The following RTTN variants were observed in gnomAD, a reference collection of about 807,000 sequenced individuals.
RTTN encodes the protein rotatin.
RTTN carries 182 observed loss-of-function variants against 269.2 expected under a neutral mutation model. The observed-to-expected ratio is 0.68, with a 90% CI of 0.60 to 0.76. The LOEUF (loss-of-function observed/expected upper bound fraction) is 0.76. RTTN is among the 30% of genes least tolerant of loss of function. RTTN has a pLI of 0.00. For missense variants in RTTN, 2,545 were observed against 2,608.6 expected (o/e 0.98, Z 0.53); for synonymous variants, 1,006 against 963.5 (o/e 1.04, Z -0.82).
intron 11 of RTTN, 58 bp downstream of exon 11, chr18:70,176,617 C>T (rs2061307934): frequency 6.9e-7 from 1 of 1,444,074 alleles, no homozygotes; most frequent in African/African-American, 1.4e-5. Flanking sequence ...AAATTTACAA[C>T]AGAGCATTTA....
intron 32 of RTTN, among the ~76,000 whole-genome samples, chr18:70,082,105 A>T (rs749907515): frequency 6.6e-6 from 1 of 152,204 alleles, no homozygotes; most frequent in Non-Finnish European, 1.5e-5. Context: ...GTACCAATTC[A>T]AAGTCCTGTC....
At chr18:70,194,690 C>G (rs1182652838) in intron 7 of RTTN, 1 of 152,146 alleles carries the variant, frequency 6.6e-6, no homozygotes. Flanking sequence ...ACAAATAAAC[C>G]AGACACAAAA....
At chr18:70,018,313 C>T (rs2056602076) in intron 45 of RTTN, among the ~76,000 whole-genome samples, 1 of 152,154 alleles carries the variant, frequency 6.6e-6, no homozygotes, top group Admixed American at 6.5e-5. Context: ...CAAAAAACCC[C>T]ACCAAACCCT....
intron 39 of RTTN, among the ~76,000 whole-genome samples, chr18:70,048,421 T>C (rs1270098518): frequency 6.6e-6 from 1 of 152,182 alleles, no homozygotes; most frequent in Admixed American, 6.5e-5. Context: ...AGACAGCACA[T>C]GAGTGGTCAT....
intron 43 of RTTN, among the ~76,000 whole-genome samples, chr18:70,026,895 C>T (rs1450720669): frequency 6.6e-6 from 1 of 152,170 alleles, no homozygotes; most frequent in Non-Finnish European, 1.5e-5. Context: ...AGCCATTTTT[C>T]ACCTGGATGC....
chr18:70,199,428 G>C lies in RTTN; in HGVS notation c.564C>G (p.Leu188=). The C allele has an allele frequency of 6.2e-7, 1 of 1,610,170 alleles. No homozygotes were observed. ...LPLTTTDRHV[L]SSNESSLRSS... is the part of the protein sequence containing the mutation. ...AAGCACCGTACCTTTCATTAGAGGAGAGGACATGTCTGTCTGTGGTGGTCA... is the reference window on the plus strand; with the variant it reads ...AAGCACCGTACCTTTCATTAGAGGACAGGACATGTCTGTCTGTGGTGGTCA... Residue 188 remains leucine, a synonymous_variant, in exon 5 of 49, where the codon CTC becomes CTG. Transcript: ENST00000640769.
intron 32 of RTTN, among the ~76,000 whole-genome samples, chr18:70,077,518 T>C (rs1406022668): frequency 6.6e-6 from 1 of 152,002 alleles, no homozygotes; most frequent in African/African-American, 2.4e-5. Context: ...AACATTTCTT[T>C]AGTTTTTAAG....
intron 32 of RTTN, among the ~76,000 whole-genome samples, chr18:70,080,318 G>C (rs1388003284): frequency 6.6e-6 from 1 of 152,088 alleles, no homozygotes; most frequent in Non-Finnish European, 1.5e-5. Flanking sequence ...TCCATGAAAA[G>C]AAATCAGAGC....
At chr18:70,204,825 T>G (rs531419500) in intron 2 of RTTN, among the ~76,000 whole-genome samples, 1 of 152,210 alleles carries the variant, frequency 6.6e-6, no homozygotes, top group African/African-American at 2.4e-5. Context: ...GTTTTTAAGA[T>G]GTAAATGTCA....
intron 9 of RTTN, among the ~76,000 whole-genome samples, chr18:70,189,117 T>C (rs535095911): frequency 6.6e-6 from 1 of 152,356 alleles, no homozygotes; most frequent in South Asian, 2.1e-4. Flanking sequence ...AAAGGTTAAA[T>C]GCAAAATCAT....
At chr18:70,166,275 C>A in intron 13 of RTTN, 87 bp from the exon 14 acceptor site, 1 of 1,278,452 alleles carries the variant, frequency 7.8e-7, no homozygotes, top group Admixed American at 1.9e-5. Context: ...GGGATTTCTT[C>A]CTACTCCAAC....
At chr18:70,085,414 G>C (rs960396056) in intron 32 of RTTN, among the ~76,000 whole-genome samples, 1 of 152,086 alleles carries the variant, frequency 6.6e-6, no homozygotes, top group East Asian at 1.9e-4. Flanking sequence ...CAACCACCTG[G>C]ATTCATGCTT....
Position 70,020,766 on chromosome 18 carries a change from G to A in RTTN, c.6002C>T (p.Thr2001Ile), listed in dbSNP as rs2056680674. ...AGAGTTGCTCACGGCTCCTCTATGT[G>A]TAGCTTGAACAGGGTGTTGTCCACA... ...SSCGQHPVQA[T>I]HRGAVSNSLM... is the part of the protein sequence containing the mutation. The change falls in exon 45 of 49, where the codon ACA becomes ATA. Residue 2001 changes from threonine to isoleucine, a missense_variant. Transcript: ENST00000640769. 1 of 1,613,888 alleles carries A rather than the reference G, an allele frequency of 6.2e-7. No individual in the cohort carries two copies. The highest frequency in any genetic ancestry group is 1.3e-5 in the African/African-American group (1 of 74,932).
intron 34 of RTTN, among the ~76,000 whole-genome samples, chr18:70,073,393 G>A (rs910555675): frequency 2.6e-5 from 4 of 152,146 alleles, no homozygotes; most frequent in Non-Finnish European, 5.9e-5. Flanking sequence ...ATTTAGAAGT[G>A]TGTTTAAAGC....
chr18:70,028,995 C>G (rs994105302), intron 42 of RTTN, among the ~76,000 whole-genome samples, 194 bp from the exon 43 acceptor site: 2 of 152,064 alleles, frequency 1.3e-5, no homozygotes, highest in African/African-American at 4.8e-5. Flanking sequence ...GCACATTCAC[C>G]ATGAAAAAGC....
intron 34 of RTTN, among the ~76,000 whole-genome samples, chr18:70,071,124 C>T (rs919997152): frequency 2.0e-5 from 3 of 152,144 alleles, no homozygotes; most frequent in Non-Finnish European, 2.9e-5. Context: ...TACCAGTTAC[C>T]ATGCTAGGAA....
chr18:70,102,997 C>T (rs1309698848), intron 28 of RTTN, among the ~76,000 whole-genome samples: 1 of 148,378 alleles, frequency 6.7e-6, no homozygotes, highest in Non-Finnish European at 1.5e-5. Context: ...TGGGGAGCGC[C>T]TCTGCCCAGG....
intron 16 of RTTN, among the ~76,000 whole-genome samples, chr18:70,149,507 C>A (rs1232273859): frequency 6.9e-6 from 1 of 145,798 alleles, no homozygotes; most frequent in African/African-American, 2.5e-5. Flanking sequence ...AGACAGGAAA[C>A]TGACTCCTTT....
Position 70,150,705 on chromosome 18 carries a change from T to TTA in RTTN, c.1956_1957dup (p.Lys653IlefsTer35). On this transcript the variant is annotated frameshift_variant, in exon 15 of 49. Coordinates refer to ENST00000640769, the MANE Select transcript of RTTN (RefSeq NM_173630.4). LOFTEE classifies it high-confidence loss of function. ...TCCATTGCAAAGTGAAGACACGGGT[T>TTA]TAGTGACATTATGGACACCTAAACA... The TTA allele has an allele frequency of 1.2e-6, 2 of 1,606,672 alleles. No homozygotes were observed. Among genetic ancestry groups the TTA allele is most frequent in the Non-Finnish European group, 1.7e-6 (2 of 1,173,680 alleles).
Sources: gnomAD v4.1 joint callset for allele counts (sites outside exome capture counted in the v4.1 genomes callset) on GRCh38, gnomAD v4.1.1 for gene constraint, MANE v1.5 for transcripts, NCBI Gene and HGNC (gene_info 2026-07-23, HGNC 2026-07-21) for gene names.